Variants in ADAM12 observed in about 807,000 individuals in gnomAD.
ADAM12 encodes the protein ADAM metallopeptidase domain 12.
ADAM12 carries 70 observed loss-of-function variants against 106.4 expected under a neutral mutation model. The ratio of observed to expected loss-of-function variants is 0.66; its 90% CI spans 0.54 to 0.80. The LOEUF (loss-of-function observed/expected upper bound fraction) is 0.80. Ranked by LOEUF, ADAM12 falls within the 30% of genes least tolerant of loss-of-function variation. The pLI is 0.00. For missense variants in ADAM12, 1,010 were observed against 1,171.9 expected (o/e 0.86, Z 2.02); for synonymous variants, 420 against 433.5 (o/e 0.97, Z 0.39).
chr10:126,268,190 G>A (rs892090430), intron 3 of ADAM12, among the ~76,000 whole-genome samples: 5 of 152,044 alleles, frequency 3.3e-5, no homozygotes, highest in African/African-American at 1.2e-4. Flanking sequence ...TTCGAATTTT[G>A]CCTATTCAAA....
At chr10:126,132,498 A>T (rs1956323193) in intron 5 of ADAM12, among the ~76,000 whole-genome samples, 1 of 148,226 alleles carries the variant, frequency 6.7e-6, no homozygotes, top group Non-Finnish European at 1.5e-5. Context: ...CTTTGCAAGG[A>T]ATTATCCCAG....
At chr10:126,084,100 TCTTAA>T (rs1353054757) in intron 11 of ADAM12, among the ~76,000 whole-genome samples, 1 of 152,146 alleles carries the variant, frequency 6.6e-6, no homozygotes, top group African/African-American at 2.4e-5. Flanking sequence ...TAATTCATGG[TCTTAA>T]CTTGTGAACT....
At chr10:126,343,889 A>C (rs1015508697) in intron 1 of ADAM12, among the ~76,000 whole-genome samples, 1 of 151,936 alleles carries the variant, frequency 6.6e-6, no homozygotes. Context: ...TTTTTCTTGT[A>C]AATTTGAATT....
intron 3 of ADAM12, among the ~76,000 whole-genome samples, chr10:126,167,023 T>C (rs190192682): frequency 6.6e-6 from 1 of 152,322 alleles, no homozygotes; most frequent in East Asian, 1.9e-4. Context: ...CCAACACAGG[T>C]AAAACAGTCA....
chr10:126,130,722 G>A (rs1451233677), intron 5 of ADAM12, among the ~76,000 whole-genome samples: 1 of 152,158 alleles, frequency 6.6e-6, no homozygotes, highest in Non-Finnish European at 1.5e-5. Context: ...CCTGGCACAC[G>A]GTGACTACAG....
At chr10:126,331,850 T>G (rs767263452) in intron 1 of ADAM12, among the ~76,000 whole-genome samples, 101 of 152,234 alleles carry the variant, frequency 6.6e-4, no homozygotes, top group Middle Eastern at 3.4e-3. Context: ...AGGTGCTGGC[T>G]CTGATGGTGA....
intron 14 of ADAM12, among the ~76,000 whole-genome samples, chr10:126,060,764 G>A (rs1358094336): frequency 1.3e-5 from 2 of 152,218 alleles, no homozygotes; most frequent in African/African-American, 4.8e-5. Context: ...GGAGGATATT[G>A]TGAAGGATTC....
rs1361825658 is a variant in ADAM12 at position 126,253,243 on chromosome 10, G to A, written c.260+25672C>T. On this transcript the variant is annotated intron_variant, in intron 3 of 22. Coordinates refer to ENST00000448723, the MANE Select transcript of ADAM12 (RefSeq NM_001288973.2). ...CATTTACTGCAATTTTTTTTTTTAA[G>A]ACCGAAAGCGTGAGCATGCATATAT... Among the ~76,000 whole-genome samples the A allele has an allele frequency of 2.6e-5, 4 of 151,654 alleles. No individual in the cohort carries two copies. The South Asian group carries it at 8.3e-4, about 32-fold the overall frequency.
At chr10:126,177,066 A>G (rs947614141) in intron 3 of ADAM12, among the ~76,000 whole-genome samples, 2 of 152,088 alleles carry the variant, frequency 1.3e-5, no homozygotes, top group African/African-American at 4.8e-5. Context: ...ACGCACACAC[A>G]CACGGTTTCC....
At position 126,219,208 on chromosome 10, in the gene ADAM12, A is replaced by C. The variant is rs536677022; in HGVS notation, c.260+59707T>G. ...AATCCATTGCTACAACTTCCAAAGG[A>C]TTTATTACCCCAGATGTCATGCCTG... is the stretch of plus-strand genomic sequence containing the variant. On this transcript the variant is annotated intron_variant, in intron 3 of 22. Coordinates refer to ENST00000448723, the MANE Select transcript of ADAM12 (RefSeq NM_001288973.2). Among the ~76,000 whole-genome samples the C allele has an allele frequency of 2.6e-5, 4 of 152,312 alleles. No homozygotes were observed. The East Asian group carries it at 7.7e-4, about 29-fold the overall frequency.
chr10:126,027,996 C>T (rs1953907680), intron 21 of ADAM12, among the ~76,000 whole-genome samples: 1 of 152,178 alleles, frequency 6.6e-6, no homozygotes, highest in South Asian at 2.1e-4. Context: ...AACAAAGTCT[C>T]AGTATATAAA....
In ADAM12 at chr10:126,193,243, C is replaced by T. The variant is rs576568449; in HGVS notation, c.261-37938G>A. 1.8e-4 allele frequency among the ~76,000 whole-genome samples: 20 copies of T among 114,108 alleles called. No individual in the cohort carries two copies. The East Asian group carries it at 3.6e-3, about 20-fold the overall frequency. The allele number at this position is 114,108 out of a possible 152,430, so 74.9% of individuals were successfully genotyped here. A position where few individuals can be genotyped will look rare whatever the true frequency, so the allele number is the denominator to read the frequency against. ...TTGTGCCACTGAACTCCAGCCTAGGCGACAGAGCGAGACTCCATCTCAAAA... is the reference window on the plus strand; with the variant it reads ...TTGTGCCACTGAACTCCAGCCTAGGTGACAGAGCGAGACTCCATCTCAAAA... On this transcript the variant is annotated intron_variant, in intron 3 of 22. Transcript: ENST00000448723.
Position 126,017,230 on chromosome 10 carries a change from A to G in ADAM12, c.*49T>C. 1 of 1,492,322 alleles carries G rather than the reference A, an allele frequency of 6.7e-7. No homozygotes were observed. The highest frequency in any genetic ancestry group is 1.4e-5 in the African/African-American group (1 of 70,954). The allele number at this position is 1,492,322 out of a possible 1,614,324, so 92.4% of individuals were successfully genotyped here. A position where few individuals can be genotyped will look rare whatever the true frequency, so the allele number is the denominator to read the frequency against. ...TACAAAAAACTCCAACTGGAGCTGA[A>G]AGATAGTGCAAACTTCTGTCTTCAC... On this transcript the variant is annotated 3_prime_UTR_variant, in exon 23 of 23. Transcript: ENST00000448723.
rs200106066 is a variant in ADAM12, at chr10:126,064,784, C to T, written c.1609+22G>A. On this transcript the variant is annotated intron_variant, in intron 14 of 22. Transcript: ENST00000448723. This position sits in a 1 kb window ranked among gnomAD's most constrained non-coding sequence, Gnocchi z 4.4. ...GGTCTGCCAGTGCCTCTCCTGATGC[C>T]GAGCTTGTGGCGGCCACGTACCTGG... The T allele has an allele frequency of 1.5e-3, 2,442 of 1,582,100 alleles. 3 individuals are homozygous for T. Among genetic ancestry groups the T allele is most frequent in the Non-Finnish European group, 1.9e-3 (2,236 of 1,164,858 alleles).
In ADAM12 at chr10:126,014,726, G is replaced by C. The variant is rs1590285143; in HGVS notation, c.*2553C>G. 6.6e-6 allele frequency: 1 copy of C among 152,104 alleles called. No homozygotes were observed. Among genetic ancestry groups the C allele is most frequent in the African/African-American group, 2.4e-5 (1 of 41,402 alleles). The allele number at this position is 152,104 out of a possible 1,614,324, so 9.4% of individuals were successfully genotyped here. A position where few individuals can be genotyped will look rare whatever the true frequency, so the allele number is the denominator to read the frequency against. ...AACCTACAACTATAATAAGCTGTAG[G>C]AAGAAAAGTAGCCTCTGGGCTACTT... On this transcript the variant is annotated 3_prime_UTR_variant, in exon 23 of 23. Coordinates refer to ENST00000448723, the MANE Select transcript of ADAM12 (RefSeq NM_001288973.2).
chr10:126,121,245 G>C (rs1378857362), intron 5 of ADAM12, among the ~76,000 whole-genome samples: 2 of 101,564 alleles, frequency 2.0e-5, no homozygotes, highest in Non-Finnish European at 3.5e-5. Context: ...ATACTATATA[G>C]TATATACATA....
intron 9 of ADAM12, 72 bp from the exon 10 acceptor site, chr10:126,098,572 G>T: frequency 7.7e-7 from 1 of 1,299,368 alleles, no homozygotes; most frequent in South Asian, 1.2e-5. Context: ...TAAAAATTCT[G>T]TTGGATATTC....
intron 3 of ADAM12, among the ~76,000 whole-genome samples, chr10:126,159,892 C>T (rs1956901885): frequency 6.8e-6 from 1 of 147,450 alleles, no homozygotes; most frequent in Non-Finnish European, 1.5e-5. Context: ...ATGCTTGGAG[C>T]TCTGGAGAGT....
intron 8 of ADAM12, among the ~76,000 whole-genome samples, chr10:126,102,557 T>C (rs1213412359): frequency 6.6e-6 from 1 of 152,214 alleles, no homozygotes; most frequent in Non-Finnish European, 1.5e-5. Flanking sequence ...GCTCATCTTT[T>C]CCCTTGCTGG....
Sources: allele counts gnomAD v4.1 joint callset (sites outside exome capture counted in the v4.1 genomes callset), GRCh38; gene constraint gnomAD v4.1.1; non-coding constraint Gnocchi (gnomAD v3.1); transcripts MANE v1.5; gene names NCBI Gene and HGNC (gene_info 2026-07-23, HGNC 2026-07-21).